The following TEX101 variants were observed in gnomAD, a reference collection of about 807,000 sequenced individuals.
TEX101 encodes testis expressed 101, also known as testis-expressed protein 101.
In TEX101, 10 loss-of-function variants were observed where a neutral mutation model predicts 18.1. That is an observed-to-expected ratio of 0.55 (90% CI 0.34 to 0.94). TEX101 has a LOEUF of 0.94. Among genes scored for constraint, TEX101 ranks in the 40% least tolerant of loss-of-function variants. TEX101 has a pLI of 0.02. For synonymous variants in TEX101, 94 were observed against 114.8 expected (o/e 0.82, Z 1.16); for missense variants, 259 against 298.9 (o/e 0.87, Z 0.98).
intron 3 of TEX101, among the ~76,000 whole-genome samples, chr19:43,408,648 C>T (rs1271231012): frequency 2.0e-5 from 3 of 152,050 alleles, no homozygotes; most frequent in African/African-American, 7.2e-5. Flanking sequence ...GAAGGGCCTG[C>T]ACCAGAGACC....
At chr19:43,408,291 G>A (rs557379656) in intron 3 of TEX101, among the ~76,000 whole-genome samples, 196 of 150,844 alleles carry the variant, frequency 1.3e-3, no homozygotes, top group African/African-American at 4.5e-3. Context: ...CGTTCTGCCC[G>A]GGCTCGACCA....
At chr19:43,393,802 AG>A in the TEX101 span, among the ~76,000 whole-genome samples, 1 of 144,146 alleles carries the variant, frequency 6.9e-6, no homozygotes, top group Non-Finnish European at 1.5e-5. Context: ...GGTGCGGAGC[AG>A]GGGTTCAAAC....
At chr19:43,411,610 G>A (rs1388576138), upstream of TEX101, among the ~76,000 whole-genome samples, 2 of 152,132 alleles carry the variant, frequency 1.3e-5, no homozygotes, top group African/African-American at 2.4e-5. Context: ...GCCAACCATT[G>A]CTCTAGACTA....
chr19:43,407,708 A>G (rs541509442), intron 3 of TEX101, among the ~76,000 whole-genome samples: 7 of 152,322 alleles, frequency 4.6e-5, no homozygotes, highest in South Asian at 2.1e-4. Flanking sequence ...AAGGCCTCCA[A>G]GTCAGAATAT....
At chr19:43,399,354 G>A (rs557529786), upstream of TEX101, among the ~76,000 whole-genome samples, 13 of 152,178 alleles carry the variant, frequency 8.5e-5, no homozygotes, top group South Asian at 8.3e-4. Context: ...AGCCTGATTC[G>A]TGTGTTGTCA....
At chr19:43,414,788 C>T, upstream of TEX101, 1 of 957,622 alleles carries the variant, frequency 1.0e-6, no homozygotes, top group Non-Finnish European at 1.2e-6. Flanking sequence ...CAATGAGGTG[C>T]CGCGTTCCTC....
chr19:43,404,798 ACT>A (rs1568455648), intron 2 of TEX101, among the ~76,000 whole-genome samples: 5 of 151,460 alleles, frequency 3.3e-5, no homozygotes, highest in African/African-American at 4.8e-5. Context: ...TGTGCACTTT[ACT>A]CTGTTTTTTA....
chr19:43,414,898 G>A lies in TEX101; in HGVS notation c.-180G>A. 1 of 985,520 alleles carries A rather than the reference G, an allele frequency of 1.0e-6. No homozygotes were observed. The highest frequency in any genetic ancestry group is 1.2e-6 in the Non-Finnish European group (1 of 829,974). The allele number at this position is 985,520 out of a possible 1,614,324, so 61.0% of individuals were successfully genotyped here. ...GCCCGGCCTTGCGTCGTAAGAGAAT[G>A]CCAAGCCCGGGGAGAAGGCGTTCCG... is the stretch of plus-strand genomic sequence containing the variant. On this transcript the variant is annotated 5_prime_UTR_variant, in exon 1 of 6. An upstream start codon of the reference 5' UTR is lost. Transcript: ENST00000598265.
intron 1 of TEX101, 150 bp downstream of exon 1, chr19:43,415,188 C>T (rs1970459968): frequency 2.3e-6 from 1 of 427,054 alleles, no homozygotes. Flanking sequence ...CTACATAGGA[C>T]GGGGCTGGGC....
exon 3 of TEX101, chr19:43,406,395 G>C: frequency 1.4e-6 from 1 of 714,734 alleles, no homozygotes; most frequent in Non-Finnish European, 2.6e-6. Context: ...CAAGGGACAG[G>C]CTTGGCGGAA....
chr19:43,390,391 T>C, the TEX101 span, among the ~76,000 whole-genome samples: 1 of 151,052 alleles, frequency 6.6e-6, no homozygotes, highest in Admixed American at 6.6e-5. Flanking sequence ...TATGGTAAAA[T>C]ATATATAACA....
chr19:43,405,360 G>A (rs2122323529), intron 2 of TEX101, among the ~76,000 whole-genome samples: 1 of 151,944 alleles, frequency 6.6e-6, no homozygotes, highest in South Asian at 2.1e-4. Flanking sequence ...CCTGAGGTCA[G>A]GAGTTGTCTA....
At chr19:43,401,669 CA>C (rs1414685545) in intron 1 of TEX101, 1 of 152,218 alleles carries the variant, frequency 6.6e-6, no homozygotes, top group African/African-American at 2.4e-5. Context: ...ACCTGACCAA[CA>C]TGGAGAAACT....
intron 3 of TEX101, among the ~76,000 whole-genome samples, chr19:43,407,304 T>C (rs1038851483): frequency 2.6e-5 from 4 of 151,944 alleles, no homozygotes; most frequent in Non-Finnish European, 5.9e-5. Context: ...GCCAACATGG[T>C]GAAACCCCCA....
chr19:43,410,020 T>C (rs1485552009), upstream of TEX101, among the ~76,000 whole-genome samples: 1 of 151,938 alleles, frequency 6.6e-6, no homozygotes, highest in Non-Finnish European at 1.5e-5. Context: ...CTGGACAAGA[T>C]TGAGAGAGAT....
intron 3 of TEX101, among the ~76,000 whole-genome samples, chr19:43,407,820 G>A (rs1049381089): frequency 1.3e-5 from 2 of 152,364 alleles, no homozygotes; most frequent in Admixed American, 6.5e-5. Context: ...GGCCCCATGC[G>A]GAGAGCTCAT....
At chr19:43,396,446 A>G in the TEX101 span, among the ~76,000 whole-genome samples, 1 of 152,248 alleles carries the variant, frequency 6.6e-6, no homozygotes, top group Non-Finnish European at 1.5e-5. Context: ...TCATGGGATT[A>G]ATATGATATT....
chr19:43,412,819 A>T (rs116058263), upstream of TEX101, among the ~76,000 whole-genome samples: 1 of 152,170 alleles, frequency 6.6e-6, no homozygotes, highest in Non-Finnish European at 1.5e-5. Flanking sequence ...TTACAGAATC[A>T]GTACCAATTC....
intron 4 of TEX101, among the ~76,000 whole-genome samples, chr19:43,416,813 G>A (rs898393407): frequency 6.6e-6 from 1 of 151,968 alleles, no homozygotes. Flanking sequence ...GAGGTGGATC[G>A]CCTGAGGTCA....
Sources: gnomAD v4.1 joint callset for allele counts (sites outside exome capture counted in the v4.1 genomes callset) on GRCh38, gnomAD v4.1.1 for gene constraint, MANE v1.5 for transcripts, NCBI Gene and HGNC (gene_info 2026-07-23, HGNC 2026-07-21) for gene names.